AIFM2: variants seen among roughly 807,000 people sequenced by gnomAD.
AIFM2 encodes the protein ferroptosis suppressor protein 1.
AIFM2 carries 38 observed loss-of-function variants against 35.7 expected under a neutral mutation model. The ratio of observed to expected loss-of-function variants is 1.06; its 90% confidence interval spans 0.82 to 1.39. The LOEUF is 1.39. Ranked by LOEUF, AIFM2 falls within the 40% of genes most tolerant of loss-of-function variation. AIFM2 has a pLI of 0.00. For missense variants in AIFM2, 476 were observed against 491.2 expected (o/e 0.97, Z 0.29); for synonymous variants, 185 against 203.5 (o/e 0.91, Z 0.77).
chr10:70,125,105 G>A (rs2072550565), intron 1 of AIFM2, among the ~76,000 whole-genome samples: 1 of 151,946 alleles, frequency 6.6e-6, no homozygotes, highest in South Asian at 2.1e-4. Flanking sequence ...CCAGACACTG[G>A]GCCCTTGATC....
intron 3 of AIFM2, among the ~76,000 whole-genome samples, chr10:70,121,467 G>C (rs1230163579): frequency 6.6e-6 from 1 of 152,034 alleles, no homozygotes; most frequent in African/African-American, 2.4e-5. Context: ...GAGAATGTGG[G>C]GGCAACTGGA....
chr10:70,120,468 C>T, intron 5 of AIFM2, 39 bp downstream of exon 5: 1 of 1,608,706 alleles, frequency 6.2e-7, no homozygotes, highest in Non-Finnish European at 8.5e-7. Context: ...AGAAAAAAGC[C>T]AACCACTTAG....
At chr10:70,125,073 T>A (rs1589850942) in intron 1 of AIFM2, among the ~76,000 whole-genome samples, 1 of 152,264 alleles carries the variant, frequency 6.6e-6, no homozygotes, top group Middle Eastern at 3.4e-3. Context: ...CACCATGGGA[T>A]GACTCAGCAT....
chr10:70,127,579 A>G (rs2072582756), intron 1 of AIFM2, among the ~76,000 whole-genome samples: 1 of 152,202 alleles, frequency 6.6e-6, no homozygotes, highest in Non-Finnish European at 1.5e-5. Context: ...TCAGGTGGAC[A>G]TACAAGCCTG....
intron 3 of AIFM2, 34 bp downstream of exon 3, chr10:70,123,371 G>A: frequency 6.3e-7 from 1 of 1,594,094 alleles, no homozygotes; most frequent in Non-Finnish European, 8.6e-7. Flanking sequence ...GAGGGCCCTT[G>A]AGCCAGCTGG....
chr10:70,128,673 G>A (rs1474028570), intron 1 of AIFM2, among the ~76,000 whole-genome samples: 3 of 152,154 alleles, frequency 2.0e-5, no homozygotes, highest in Admixed American at 6.5e-5. Context: ...TGTGAATGAC[G>A]TTTTTATACA....
chr10:70,121,184 C>T lies in AIFM2; in HGVS notation c.322G>A (p.Ala108Thr). 6.8e-7 allele frequency: 1 copy of T among 1,480,798 alleles called. No individual in the cohort carries two copies. The allele number at this position is 1,480,798 out of a possible 1,614,324, so 91.7% of individuals were successfully genotyped here. A position where few individuals can be genotyped will look rare whatever the true frequency, so the allele number is the denominator to read the frequency against. Residue 108 changes from alanine (A) to threonine (T), a missense_variant, in exon 4 of 9, where the codon GCC becomes ACC. By Grantham distance (58) the Ala-to-Thr change is moderately conservative. Transcript: ENST00000307864. The part of the protein sequence containing the change: ...EALPFSHLIL[A>T]TGSTGPFPGK... ...GGGAAGGGCCCAGTGCTGCCCGTGG[C>T]CAGGATAAGATGAGAGAAGGGCAGG...
Position 70,117,831 on chromosome 10 carries a change from C to A in AIFM2, c.597G>T (p.Lys199Asn). The change falls in exon 6 of 9, where the codon AAG becomes AAT. Residue 199 changes from lysine to asparagine, a missense_variant. Coordinates refer to ENST00000307864, the MANE Select transcript of AIFM2 (RefSeq NM_032797.6). The surrounding 1 kb of genome is among the most constrained non-coding windows in gnomAD (Gnocchi z 4.7). ...ACGTACTCAGCAGCAGCTGCACGCC[C>A]TTCCGGAGGAGGATCTCCTTCACTT... is the stretch of plus-strand genomic sequence containing the variant. ...RQEVKEILLR[K>N]GVQLLLSERV... The A allele has an allele frequency of 6.2e-7, 1 of 1,605,390 alleles. No individual in the cohort carries two copies. Among genetic ancestry groups the A allele is most frequent in the Non-Finnish European group, 8.5e-7 (1 of 1,176,590 alleles).
Position 70,123,982 on chromosome 10 carries a change from C to T in AIFM2, c.103G>A (p.Val35Ile), listed in dbSNP as rs749767887. Residue 35 changes from valine to isoleucine, a missense_variant, in exon 2 of 9, where the codon GTC becomes ATC. Transcript: ENST00000307864. Reference protein sequence around the residue: ...AAASQLQALNVPFMLVDMKDS... With the variant: ...AAASQLQALNIPFMLVDMKDS... ...TTCATGTCCACCAGCATGAAGGGGA[C>T]GTTCAGGGCCTGCAGCTGGCTGGCT... is the stretch of plus-strand genomic sequence containing the variant. 37 of 1,612,840 alleles carry T rather than the reference C, an allele frequency of 2.3e-5. No individual in the cohort carries two copies. Among genetic ancestry groups the T allele is most frequent in the African/African-American group, 1.2e-4 (9 of 74,836 alleles).
chr10:70,123,931 C>A lies in AIFM2; in HGVS notation c.154G>T (p.Ala52Ser). 6.3e-7 allele frequency: 1 copy of A among 1,597,210 alleles called. No individual in the cohort carries two copies. Among genetic ancestry groups the A allele is most frequent in the Non-Finnish European group, 8.6e-7 (1 of 1,168,254 alleles). ...MKDSFHHNVA[A>S]LRASVETGFA... ...CCTGTCTCCACGGAGGCTCGGAGAG[C>A]AGCCACATTGTGGTGGAAGGAGTCC... Residue 52 changes from alanine to serine, a missense_variant, in exon 2 of 9, where the codon GCT becomes TCT. Physicochemically the swap from Ala to Ser is moderately conservative, Grantham distance 99. Transcript: ENST00000307864.
chr10:70,122,991 G>A (rs971160866), intron 3 of AIFM2, among the ~76,000 whole-genome samples: 4 of 152,258 alleles, frequency 2.6e-5, no homozygotes, highest in African/African-American at 9.6e-5. Context: ...CCCAGCACCA[G>A]GCAGGGCTTG....
chr10:70,114,134 C>T lies in AIFM2; in HGVS notation c.*44G>A, dbSNP rs769408660. The T allele has an allele frequency of 6.3e-6, 10 of 1,586,360 alleles. No homozygotes were observed. The highest frequency in any genetic ancestry group is 5.5e-5 in the Admixed American group (3 of 54,694). On this transcript the variant is annotated 3_prime_UTR_variant, in exon 9 of 9. Coordinates refer to ENST00000307864, the MANE Select transcript of AIFM2 (RefSeq NM_032797.6). ...GGCGGGTGCCATGCGCCAAGCAGTC[C>T]GTACGCCCACCTGCTGCGGTAGTTC...
Position 70,121,214 on chromosome 10 carries a change from G to A in AIFM2, c.295-3C>T. 1 of 429,054 alleles carries A rather than the reference G, an allele frequency of 2.3e-6. No homozygotes were observed. The allele number at this position is 429,054 out of a possible 1,614,324, so 26.6% of individuals were successfully genotyped here. A position where few individuals can be genotyped will look rare whatever the true frequency, so the allele number is the denominator to read the frequency against. Reference sequence around the variant, plus strand: ...ATAAGATGAGAGAAGGGCAGGGCCTGAGAGAAACCAAAAAAAAAAAAAAAA... The same window carrying A: ...ATAAGATGAGAGAAGGGCAGGGCCTAAGAGAAACCAAAAAAAAAAAAAAAA... On this transcript the variant is annotated splice_polypyrimidine_tract_variant and splice_region_variant and intron_variant, in intron 3 of 8. Coordinates refer to ENST00000307864, the MANE Select transcript of AIFM2 (RefSeq NM_032797.6).
rs1399862120 is a variant in AIFM2, at chr10:70,114,408, C to T, written c.971-79G>A. On this transcript the variant is annotated intron_variant, in intron 8 of 8. Coordinates refer to ENST00000307864, the MANE Select transcript of AIFM2 (RefSeq NM_032797.6). ...CACCTCCCAGAGTGCCGATCCTTCCCGAGGCCTTCAGACTCAGGGCCGGAA... is the reference window on the plus strand; with the variant it reads ...CACCTCCCAGAGTGCCGATCCTTCCTGAGGCCTTCAGACTCAGGGCCGGAA... 12 of 1,565,536 alleles carry T rather than the reference C, an allele frequency of 7.7e-6. No homozygotes were observed. In the East Asian group the frequency reaches 1.1e-4, roughly 15 times the overall value.
In AIFM2 at chr10:70,123,540, GA is replaced by G. The variant is rs2072533073; in HGVS notation, c.179-21del. ...CGAACCCTGGGGAAGGGACACAGAAGAGGTCATAGGGCAGAGCCAGGCTGCC... is the reference window on the plus strand; with the variant it reads ...CGAACCCTGGGGAAGGGACACAGAAGGGTCATAGGGCAGAGCCAGGCTGCC... On this transcript the variant is annotated intron_variant, in intron 2 of 8. Transcript: ENST00000307864. The G allele has an allele frequency of 6.2e-7, 1 of 1,607,426 alleles. No individual in the cohort carries two copies. Among genetic ancestry groups the G allele is most frequent in the East Asian group, 2.2e-5 (1 of 44,840 alleles).
At position 70,123,389 on chromosome 10, in the gene AIFM2, G is replaced by T. The variant is rs372773209; in HGVS notation, c.294+16C>A. ...GGCCCTTGAGCCAGCTGGCAGCCGG[G>T]CTGGCCCTCACTCACCTCGCCACCC... On this transcript the variant is annotated intron_variant, in intron 3 of 8. Coordinates refer to ENST00000307864, the MANE Select transcript of AIFM2 (RefSeq NM_032797.6). 3.0e-5 allele frequency: 48 copies of T among 1,609,502 alleles called. No individual in the cohort carries two copies. The South Asian group carries it at 4.9e-4, about 17-fold the overall frequency.
At position 70,131,663 on chromosome 10, in the gene AIFM2, A is replaced by G. The variant is rs1180541567; in HGVS notation, c.-14+1071T>C. On this transcript the variant is annotated intron_variant, in intron 1 of 8. Transcript: ENST00000307864. This position sits in a 1 kb window ranked among gnomAD's most constrained non-coding sequence, Gnocchi z 4.1. Reference sequence around the variant, plus strand: ...TGGACGCTGGCTTCATTTGGCCACCAGACAAAAGTCAGGCTGGCCCTGGAG... The same window carrying G: ...TGGACGCTGGCTTCATTTGGCCACCGGACAAAAGTCAGGCTGGCCCTGGAG... Among the ~76,000 whole-genome samples, 6 of 152,170 alleles carry G rather than the reference A, an allele frequency of 3.9e-5. No individual in the cohort carries two copies. The highest frequency in any genetic ancestry group is 8.8e-5 in the Non-Finnish European group (6 of 68,020).
rs190264699 is a variant in AIFM2, at chr10:70,116,493, G to A, written c.769+129C>T. The A allele has an allele frequency of 2.6e-4, 319 of 1,240,274 alleles. 2 individuals carry two copies. In the African/African-American group the frequency reaches 4.2e-3, roughly 16 times the overall value. 76.8% of individuals were successfully genotyped at this position (1,240,274 alleles called of 1,614,324 possible). A position where few individuals can be genotyped will look rare whatever the true frequency, so the allele number is the denominator to read the frequency against. ...AGGGTGGACCCTCACTGAATTTAAA[G>A]TCTGAGCTGTTGGGAAGAAAGGGGG... On this transcript the variant is annotated intron_variant, in intron 7 of 8. Coordinates refer to ENST00000307864, the MANE Select transcript of AIFM2 (RefSeq NM_032797.6).
chr10:70,126,190 C>G (rs2072563732), intron 1 of AIFM2, among the ~76,000 whole-genome samples: 1 of 152,262 alleles, frequency 6.6e-6, no homozygotes, highest in African/African-American at 2.4e-5. Context: ...AGCTGAGACC[C>G]TGAGAGGTGA....
Sources: allele counts gnomAD v4.1 joint callset (sites outside exome capture counted in the v4.1 genomes callset), GRCh38; gene constraint gnomAD v4.1.1; non-coding constraint Gnocchi (gnomAD v3.1); transcripts MANE v1.5; gene names NCBI Gene and HGNC (gene_info 2026-07-23, HGNC 2026-07-21).